IL3RA: variants seen among roughly 807,000 people sequenced by gnomAD.
The protein encoded by IL3RA is interleukin-3 receptor subunit alpha.
In IL3RA, 73 loss-of-function variants were observed where a neutral mutation model predicts 52.3. That is an observed-to-expected ratio of 1.40 (90% CI 1.16 to 1.70). The LOEUF (loss-of-function observed/expected upper bound fraction) is 1.70, where lower values mean the gene tolerates loss of function less well. IL3RA is among the 40% of genes most tolerant of loss of function. The pLI is 0.00. For synonymous variants in IL3RA, 260 were observed against 194.0 expected (o/e 1.34, Z -2.83); for missense variants, 664 against 504.4 (o/e 1.32, Z -3.03).
intron 4 of IL3RA, 86 bp from the exon 5 acceptor site, chrX:1,352,014 C>T (rs776499697): frequency 1.3e-6 from 2 of 1,527,338 alleles, no homozygotes; most frequent in South Asian, 1.2e-5. Flanking sequence ...ATCCACCCGC[C>T]TCGGCCTCCC....
chrX:1,380,417 A>G, intron 10 of IL3RA, among the ~76,000 whole-genome samples: 1 of 27,098 alleles, frequency 3.7e-5, no homozygotes, highest in African/African-American at 2.0e-4. Flanking sequence ...GGAAGGGGGA[A>G]AAGGGGAGGG....
At chrX:1,380,283 C>T (rs1370502826) in intron 10 of IL3RA, among the ~76,000 whole-genome samples, 2 of 149,806 alleles carry the variant, frequency 1.3e-5, no homozygotes, top group Non-Finnish European at 3.0e-5. Flanking sequence ...CCGCCTGGGC[C>T]TCCCAAAGTG....
At chrX:1,362,415 C>G (rs1271052644) in intron 8 of IL3RA, among the ~76,000 whole-genome samples, 2 of 149,162 alleles carry the variant, frequency 1.3e-5, no homozygotes, top group South Asian at 2.1e-4. Context: ...TTCTTTTTCC[C>G]TCTGTCTCCC....
At position 1,382,311 on chromosome X, in the gene IL3RA, G is replaced by A. The variant is rs1210369989; in HGVS notation, c.1063-80G>A. The A allele has an allele frequency of 1.8e-4, 212 of 1,206,126 alleles. 1 individual carries two copies. The highest frequency in any genetic ancestry group is 2.4e-4 in the Non-Finnish European group (195 of 810,642). The allele number at this position is 1,206,126 out of a possible 1,614,324, so 74.7% of individuals were successfully genotyped here. Reference sequence around the variant, plus strand: ...GGCCCACAGAGCAGATCTGAGATGGGACAGGCCCCCGCAGATCAGGACGTG... The same window carrying A: ...GGCCCACAGAGCAGATCTGAGATGGAACAGGCCCCCGCAGATCAGGACGTG... On this transcript the variant is annotated intron_variant, in intron 11 of 11. Coordinates refer to ENST00000331035, the MANE Select transcript of IL3RA (RefSeq NM_002183.4).
chrX:1,362,660 C>T (rs2087544526), intron 8 of IL3RA, among the ~76,000 whole-genome samples: 1 of 152,130 alleles, frequency 6.6e-6, no homozygotes, highest in Non-Finnish European at 1.5e-5. Context: ...AGGATCCTTC[C>T]CGCTTCTCCC....
chrX:1,348,658 C>CT (rs1359609219), intron 4 of IL3RA, 113 bp downstream of exon 4: 6 of 428,368 alleles, frequency 1.4e-5, no homozygotes, highest in East Asian at 3.6e-5. Context: ...TTCTTTCTTT[C>CT]TTTCTTTCTT....
intron 1 of IL3RA, among the ~76,000 whole-genome samples, chrX:1,338,356 A>G (rs1175492442): frequency 1.3e-5 from 2 of 151,514 alleles, no homozygotes; most frequent in East Asian, 2.0e-4. Flanking sequence ...GACAGCCCTC[A>G]TACCCCATCT....
In IL3RA at chrX:1,346,758, G is replaced by A. The variant is rs1676716135; in HGVS notation, c.183+1324G>A. Reference sequence around the variant, plus strand: ...GCGCCAGACCTCATGGGGTGGCCCAGGTGACACTGTGAGCTATTTACAAGT... The same window carrying A: ...GCGCCAGACCTCATGGGGTGGCCCAAGTGACACTGTGAGCTATTTACAAGT... On this transcript the variant is annotated intron_variant, in intron 3 of 11. Coordinates refer to ENST00000331035, the MANE Select transcript of IL3RA (RefSeq NM_002183.4). 2.0e-5 allele frequency among the ~76,000 whole-genome samples: 3 copies of A among 151,458 alleles called. 1 individual carries two copies. Among genetic ancestry groups the A allele is most frequent in the African/African-American group, 7.4e-5 (3 of 40,810 alleles).
chrX:1,370,880 T>G (rs1222093944), intron 9 of IL3RA, among the ~76,000 whole-genome samples: 2 of 44,740 alleles, frequency 4.5e-5, no homozygotes, highest in East Asian at 1.0e-3. Context: ...CACCTGGATC[T>G]CAGACCTCCA....
intron 8 of IL3RA, among the ~76,000 whole-genome samples, chrX:1,361,731 T>G (rs754224237): frequency 4.9e-5 from 6 of 123,102 alleles, no homozygotes; most frequent in East Asian, 4.6e-4. Flanking sequence ...CCAGCCTGGG[T>G]GACAGAGTGA....
Position 1,361,211 on chromosome X carries a change from A to C in IL3RA, c.759+2324A>C, listed in dbSNP as rs1236996119. ...TCTCTCTCTCCATTCCCCTGTCTCTATGTCTCTCCCTTTCTCTCTCCCATT... is the reference window on the plus strand; with the variant it reads ...TCTCTCTCTCCATTCCCCTGTCTCTCTGTCTCTCCCTTTCTCTCTCCCATT... On this transcript the variant is annotated intron_variant, in intron 8 of 11. Transcript: ENST00000331035. 2.4e-4 allele frequency among the ~76,000 whole-genome samples: 31 copies of C among 127,310 alleles called. 6 individuals are homozygous for C. Among genetic ancestry groups the C allele is most frequent in the Non-Finnish European group, 2.8e-4 (17 of 60,896 alleles). The allele number at this position is 127,310 out of a possible 152,430, so 83.5% of individuals were successfully genotyped here.
intron 4 of IL3RA, 58 bp downstream of exon 4, chrX:1,348,603 C>CTT: frequency 8.2e-7 from 1 of 1,218,456 alleles, no homozygotes; most frequent in Non-Finnish European, 1.2e-6. Context: ...TCCCTCTCTC[C>CTT]CTCCCTCTCG....
At chrX:1,376,716 C>T (rs1414921213) in intron 9 of IL3RA, among the ~76,000 whole-genome samples, 1 of 126,622 alleles carries the variant, frequency 7.9e-6, no homozygotes, top group Non-Finnish European at 1.6e-5. Context: ...GGATCTCAGA[C>T]CTCCAGCCTC....
intron 1 of IL3RA, 126 bp downstream of exon 1, chrX:1,337,052 A>T (rs1247338569): frequency 1.3e-5 from 2 of 152,138 alleles, no homozygotes; most frequent in African/African-American, 4.8e-5. Flanking sequence ...TTCTGCTGAG[A>T]CCTGCTGTCC....
At chrX:1,382,006 G>A (rs1335953831) in intron 11 of IL3RA, among the ~76,000 whole-genome samples, 1 of 151,444 alleles carries the variant, frequency 6.6e-6, no homozygotes, top group Non-Finnish European at 1.5e-5. Flanking sequence ...GTGCAATGGT[G>A]CAATCTCGGC....
intron 3 of IL3RA, among the ~76,000 whole-genome samples, chrX:1,346,983 C>G (rs190178766): frequency 1.3e-5 from 2 of 151,226 alleles, no homozygotes; most frequent in African/African-American, 2.5e-5. Context: ...AGTCTAGAAT[C>G]CCAGAGCGAT....
intron 4 of IL3RA, 35 bp downstream of exon 4, chrX:1,348,580 T>A (rs1569520638): frequency 2.0e-6 from 3 of 1,481,794 alleles, no homozygotes; most frequent in Non-Finnish European, 2.8e-6. Flanking sequence ...TTATTCTCTA[T>A]TCCCTCCCTC....
intron 9 of IL3RA, among the ~76,000 whole-genome samples, chrX:1,368,030 C>T (rs1446354950): frequency 5.9e-5 from 9 of 152,004 alleles, no homozygotes; most frequent in African/African-American, 1.5e-4. Flanking sequence ...AAGACCGAGG[C>T]GGGCGGATCA....
intron 7 of IL3RA, 67 bp downstream of exon 7, chrX:1,356,403 C>T: frequency 1.1e-6 from 1 of 933,410 alleles, no homozygotes. Flanking sequence ...GTAAGTCGCA[C>T]TCTGGGGCCT....
Sources: gnomAD v4.1 joint callset for allele counts (sites outside exome capture counted in the v4.1 genomes callset) on GRCh38, gnomAD v4.1.1 for gene constraint, MANE v1.5 for transcripts, NCBI Gene and HGNC (gene_info 2026-07-23, HGNC 2026-07-21) for gene names.